The following LINGO2 variants were observed in gnomAD, a reference collection of about 807,000 sequenced individuals.
The protein encoded by LINGO2 is leucine-rich repeat and immunoglobulin-like domain-containing nogo receptor-interacting protein 2.
A neutral mutation model predicts 30.6 loss-of-function variants in LINGO2; 14 were observed. The ratio of observed to expected loss-of-function variants is 0.46; its 90% CI spans 0.30 to 0.72. The LOEUF is 0.72. Ranked by LOEUF, LINGO2 falls within the 30% of genes least tolerant of loss-of-function variation. The pLI is 0.07. For synonymous variants in LINGO2, 317 were observed against 288.5 expected (o/e 1.10, Z -1.00); for missense variants, 729 against 751.7 (o/e 0.97, Z 0.35).
At chr9:27,997,400 C>T (rs927370946) in intron 5 of LINGO2, among the ~76,000 whole-genome samples, 3 of 152,038 alleles carry the variant, frequency 2.0e-5, no homozygotes, top group African/African-American at 7.2e-5. Flanking sequence ...GCTCCCCCCT[C>T]CCCCCGTCAT....
At chr9:28,288,632 C>T (rs1019858735) in intron 4 of LINGO2, among the ~76,000 whole-genome samples, 3 of 152,110 alleles carry the variant, frequency 2.0e-5, no homozygotes, top group Non-Finnish European at 2.9e-5. Context: ...TGGCTACATG[C>T]TGTTTTACAT....
chr9:28,104,104 T>C (rs1826498630), intron 4 of LINGO2, among the ~76,000 whole-genome samples: 2 of 151,978 alleles, frequency 1.3e-5, no homozygotes, highest in South Asian at 4.2e-4. Flanking sequence ...CCAGCACATA[T>C]TATGTACAGA....
chr9:28,912,034 A>G, the LINGO2 span, among the ~76,000 whole-genome samples: 1 of 152,098 alleles, frequency 6.6e-6, no homozygotes, highest in African/African-American at 2.4e-5. Flanking sequence ...ATGAAGAAAA[A>G]TTATTTAGAA....
chr9:28,775,683 C>T, the LINGO2 span, among the ~76,000 whole-genome samples: 1 of 152,128 alleles, frequency 6.6e-6, no homozygotes, highest in Non-Finnish European at 1.5e-5. Flanking sequence ...TTGACATCTG[C>T]TAAGAACTAT....
the LINGO2 span, among the ~76,000 whole-genome samples, chr9:28,881,838 T>C: frequency 1.3e-5 from 2 of 152,236 alleles, no homozygotes; most frequent in Non-Finnish European, 2.9e-5. Flanking sequence ...CAGGATGTGT[T>C]GTTCCCCACC....
chr9:28,993,561 C>A, the LINGO2 span, among the ~76,000 whole-genome samples: 1 of 150,910 alleles, frequency 6.6e-6, no homozygotes, highest in Admixed American at 6.6e-5. Flanking sequence ...GAGACACAAC[C>A]AAAAAAGAGA....
At chr9:29,188,273 G>T in the LINGO2 span, among the ~76,000 whole-genome samples, 2 of 151,428 alleles carry the variant, frequency 1.3e-5, no homozygotes, top group African/African-American at 4.9e-5. Flanking sequence ...ATCTTGCACC[G>T]CCCTTAATCC....
chr9:29,141,021 C>T, the LINGO2 span, among the ~76,000 whole-genome samples: 12 of 151,976 alleles, frequency 7.9e-5, no homozygotes, highest in Non-Finnish European at 1.2e-4. Flanking sequence ...ACTGGTTTTG[C>T]CTTACAAGAA....
the LINGO2 span, among the ~76,000 whole-genome samples, chr9:29,176,133 C>T: frequency 2.0e-5 from 3 of 152,142 alleles, no homozygotes; most frequent in African/African-American, 4.8e-5. Flanking sequence ...TATCACATTT[C>T]ATATTCATAA....
chr9:29,083,397 C>G, the LINGO2 span, among the ~76,000 whole-genome samples: 1 of 151,930 alleles, frequency 6.6e-6, no homozygotes, highest in Non-Finnish European at 1.5e-5. Context: ...AACACTTGGA[C>G]ACAGGAAAGG....
chr9:28,968,297 G>C, the LINGO2 span, among the ~76,000 whole-genome samples: 4 of 152,192 alleles, frequency 2.6e-5, no homozygotes, highest in African/African-American at 7.2e-5. Flanking sequence ...TGGAGTGGCT[G>C]GGCTATATCT....
At chr9:28,358,101 A>G (rs1426751491) in intron 3 of LINGO2, among the ~76,000 whole-genome samples, 1 of 152,192 alleles carries the variant, frequency 6.6e-6, no homozygotes, top group Non-Finnish European at 1.5e-5. Flanking sequence ...AAACTATTTT[A>G]TAATTTTTAG....
the LINGO2 span, among the ~76,000 whole-genome samples, chr9:28,798,541 C>T: frequency 1.3e-5 from 2 of 151,968 alleles, no homozygotes; most frequent in African/African-American, 2.4e-5. Context: ...CAGGCCATGA[C>T]TTGAAAAAGG....
At chr9:28,571,878 T>C (rs527942267) in intron 1 of LINGO2, among the ~76,000 whole-genome samples, 9 of 152,172 alleles carry the variant, frequency 5.9e-5, no homozygotes, top group Non-Finnish European at 1.0e-4. Flanking sequence ...GATCGGCAAA[T>C]TGACCAGGGT....
At chr9:28,904,763 C>A in the LINGO2 span, among the ~76,000 whole-genome samples, 1 of 151,838 alleles carries the variant, frequency 6.6e-6, no homozygotes, top group Non-Finnish European at 1.5e-5. Flanking sequence ...TTAAAATGTG[C>A]ATACTACCCA....
At chr9:28,262,919 A>G (rs1279690608) in intron 4 of LINGO2, among the ~76,000 whole-genome samples, 3 of 152,008 alleles carry the variant, frequency 2.0e-5, no homozygotes, top group Non-Finnish European at 4.4e-5. Context: ...ACTGTGTAAC[A>G]AGTAAGTTTG....
chr9:28,958,746 A>G, the LINGO2 span, among the ~76,000 whole-genome samples: 1 of 151,926 alleles, frequency 6.6e-6, no homozygotes, highest in East Asian at 1.9e-4. Context: ...AAGGGAAGGG[A>G]GGGGGGAGAG....
chr9:28,657,158 G>T (rs943682496), intron 1 of LINGO2, among the ~76,000 whole-genome samples: 2 of 151,858 alleles, frequency 1.3e-5, no homozygotes, highest in Admixed American at 1.3e-4. Flanking sequence ...TGTTCGAGTT[G>T]TTTTTTATTT....
At chr9:28,791,374 C>T in the LINGO2 span, among the ~76,000 whole-genome samples, 1 of 151,974 alleles carries the variant, frequency 6.6e-6, no homozygotes, top group Non-Finnish European at 1.5e-5. Flanking sequence ...CTGTGCTAGA[C>T]CTTTTATATT....
Sources: allele counts gnomAD v4.1 joint callset (sites outside exome capture counted in the v4.1 genomes callset), GRCh38; gene constraint gnomAD v4.1.1; transcripts MANE v1.5; gene names NCBI Gene and HGNC (gene_info 2026-07-23, HGNC 2026-07-21).